Variants in DCP2 observed in about 807,000 individuals in gnomAD.
DCP2 encodes m7GpppN-mRNA hydrolase.
In DCP2, 30 loss-of-function variants were observed where a neutral mutation model predicts 56.1. The ratio of observed to expected loss-of-function variants is 0.53; its 90% CI spans 0.40 to 0.73. The LOEUF is 0.73. Ranked by LOEUF, DCP2 falls within the 30% of genes least tolerant of loss-of-function variation. DCP2 has a pLI of 0.00. For synonymous variants in DCP2, 197 were observed against 163.3 expected (o/e 1.21, Z -1.57); for missense variants, 533 against 502.7 (o/e 1.06, Z -0.58).
At chr5:113,005,249 AG>A (rs2150187267) in intron 8 of DCP2, among the ~76,000 whole-genome samples, 1 of 152,268 alleles carries the variant, frequency 6.6e-6, no homozygotes, top group Non-Finnish European at 1.5e-5. Context: ...ACAAAATAGA[AG>A]ATATTTGCAA....
At position 113,001,709 on chromosome 5, in the gene DCP2, A is replaced by C. The variant is rs766068517; in HGVS notation, c.806+35A>C. 3 of 1,576,926 alleles carry C rather than the reference A, an allele frequency of 1.9e-6. No individual in the cohort carries two copies. In the South Asian group the frequency reaches 3.3e-5, roughly 18 times the overall value. ...TACATTCATGGAATCCTGATTTTCT[A>C]ATAGTTTTTAAAAGTGGAATAATAG... is the stretch of plus-strand genomic sequence containing the variant. On this transcript the variant is annotated intron_variant, in intron 7 of 10. Transcript: ENST00000389063.
At chr5:113,002,552 C>G (rs1031073292) in intron 7 of DCP2, among the ~76,000 whole-genome samples, 3 of 152,152 alleles carry the variant, frequency 2.0e-5, no homozygotes, top group Admixed American at 1.3e-4. Flanking sequence ...GGCAGGGTCT[C>G]TCTCTGTTGC....
At chr5:112,978,598 T>A (rs1048513989) in intron 1 of DCP2, among the ~76,000 whole-genome samples, 2 of 152,138 alleles carry the variant, frequency 1.3e-5, no homozygotes, top group Non-Finnish European at 2.9e-5. Flanking sequence ...GCGCTGTACT[T>A]CTTTGGTGAT....
intron 2 of DCP2, among the ~76,000 whole-genome samples, chr5:112,987,628 T>G (rs534404124): frequency 2.6e-4 from 36 of 140,404 alleles, no homozygotes; most frequent in Non-Finnish European, 4.0e-4. Context: ...GCCTTTTTTT[T>G]TTTTTTTTTT....
Position 113,013,048 on chromosome 5 carries a change from A to C in DCP2, c.1100-273A>C, listed in dbSNP as rs1301982149. On this transcript the variant is annotated intron_variant, in intron 10 of 10. Transcript: ENST00000389063. ...TAGGTAAAGCACATACAGGAGGTAA[A>C]GTTACGCTCATTTTGAAAGCAAAGG... 2.0e-5 allele frequency among the ~76,000 whole-genome samples: 3 copies of C among 152,322 alleles called. No homozygotes were observed. The South Asian group carries it at 6.2e-4, about 32-fold the overall frequency.
chr5:112,995,032 ATAGT>A (rs1438477103), intron 4 of DCP2, among the ~76,000 whole-genome samples: 3 of 152,202 alleles, frequency 2.0e-5, no homozygotes, highest in South Asian at 2.1e-4. Flanking sequence ...ATGAGGGATA[ATAGT>A]TAAAATTTTT....
At chr5:112,980,893 A>G (rs1447990955) in intron 1 of DCP2, among the ~76,000 whole-genome samples, 1 of 151,756 alleles carries the variant, frequency 6.6e-6, no homozygotes, top group Non-Finnish European at 1.5e-5. Context: ...TCTATATTGA[A>G]TTGAGGATTT....
In DCP2 at chr5:113,006,006, G is replaced by C. The variant is rs575501989; in HGVS notation, c.942+1929G>C. Among the ~76,000 whole-genome samples, 23 of 151,114 alleles carry C rather than the reference G, an allele frequency of 1.5e-4. No homozygotes were observed. In the South Asian group the frequency reaches 4.8e-3, roughly 32 times the overall value. On this transcript the variant is annotated intron_variant, in intron 8 of 10. Coordinates refer to ENST00000389063, the MANE Select transcript of DCP2 (RefSeq NM_152624.6). The stretch of plus-strand genomic sequence containing the variant: ...CCAGGCATGGTGGTGCACACCTGTA[G>C]TTCCAGCTGCTCAGGAGGCTGAGGT...
At chr5:112,984,876 T>A (rs1187983040) in intron 1 of DCP2, among the ~76,000 whole-genome samples, 1 of 151,338 alleles carries the variant, frequency 6.6e-6, no homozygotes, top group African/African-American at 2.4e-5. Flanking sequence ...GGCTAATTTT[T>A]AAATTCCTTT....
chr5:112,992,362 T>C (rs745515854), intron 3 of DCP2, 114 bp downstream of exon 3: 49 of 1,365,096 alleles, frequency 3.6e-5, no homozygotes, highest in Non-Finnish European at 4.5e-5. Context: ...CTTAGATTTT[T>C]AGTGCTAAAA....
chr5:112,987,677 C>T (rs1748363780), intron 2 of DCP2, among the ~76,000 whole-genome samples: 1 of 125,016 alleles, frequency 8.0e-6, no homozygotes, highest in African/African-American at 3.1e-5. Context: ...TTTTGCCATG[C>T]TGGCCAGGCT....
chr5:113,021,981 C>A lies in DCP2; in HGVS notation c.*8497C>A, dbSNP rs187614621. On this transcript the variant is annotated 3_prime_UTR_variant, in exon 11 of 11. Coordinates refer to ENST00000389063, the MANE Select transcript of DCP2 (RefSeq NM_152624.6). ...ATCTAATAATAGTCTTACTTCTAGA[C>A]CCCTGCTTTGACTAGGGCTCTTGAT... is the stretch of plus-strand genomic sequence containing the variant. 2.6e-5 allele frequency: 4 copies of A among 152,120 alleles called. No homozygotes were observed. The highest frequency in any genetic ancestry group is 2.6e-4 in the Admixed American group (4 of 15,272). 9.4% of individuals were successfully genotyped at this position (152,120 alleles called of 1,614,324 possible). A position where few individuals can be genotyped will look rare whatever the true frequency, so the allele number is the denominator to read the frequency against.
At chr5:112,979,357 A>C (rs1298192500) in intron 1 of DCP2, among the ~76,000 whole-genome samples, 1 of 152,194 alleles carries the variant, frequency 6.6e-6, no homozygotes, top group South Asian at 2.1e-4. Context: ...AAATATTTTT[A>C]ATGTTACAGA....
At position 113,010,924 on chromosome 5, in the gene DCP2, A is replaced by G. The variant is rs571874479; in HGVS notation, c.1099+117A>G. The G allele has an allele frequency of 2.0e-5, 22 of 1,086,328 alleles. No homozygotes were observed. In the African/African-American group the frequency reaches 3.2e-4, roughly 16 times the overall value. 67.3% of individuals were successfully genotyped at this position (1,086,328 alleles called of 1,614,324 possible). On this transcript the variant is annotated intron_variant, in intron 10 of 10. Coordinates refer to ENST00000389063, the MANE Select transcript of DCP2 (RefSeq NM_152624.6). ...GATAGTTAAGCAGGAAGAGTTGCAT[A>G]TGTTCTGTAGAAAGAGTTCATGTAT... is the stretch of plus-strand genomic sequence containing the variant.
chr5:112,981,257 G>T lies in DCP2; in HGVS notation c.53+4271G>T, dbSNP rs903503828. 6.6e-5 allele frequency among the ~76,000 whole-genome samples: 10 copies of T among 151,932 alleles called. No homozygotes were observed. The South Asian group carries it at 2.1e-3, about 32-fold the overall frequency. On this transcript the variant is annotated intron_variant, in intron 1 of 10. Transcript: ENST00000389063. ...ACTTGTAGCCTCAAGCAATCCTCCTGCCTCAACCTCCCAAAGTGTTGAGAT... is the reference window on the plus strand; with the variant it reads ...ACTTGTAGCCTCAAGCAATCCTCCTTCCTCAACCTCCCAAAGTGTTGAGAT...
At position 113,008,130 on chromosome 5, in the gene DCP2, G is replaced by C. The variant is rs551376624; in HGVS notation, c.1047+88G>C. On this transcript the variant is annotated intron_variant, in intron 9 of 10. Coordinates refer to ENST00000389063, the MANE Select transcript of DCP2 (RefSeq NM_152624.6). ...TTGCCAAAGCACAGGAATGTTACTT[G>C]TTTTGTTCTTATTTTAATTGATATA... is the stretch of plus-strand genomic sequence containing the variant. 4 of 1,117,940 alleles carry C rather than the reference G, an allele frequency of 3.6e-6. No homozygotes were observed. In the African/African-American group the frequency reaches 6.2e-5, roughly 17 times the overall value. The allele number at this position is 1,117,940 out of a possible 1,614,324, so 69.3% of individuals were successfully genotyped here. A position where few individuals can be genotyped will look rare whatever the true frequency, so the allele number is the denominator to read the frequency against.
intron 4 of DCP2, among the ~76,000 whole-genome samples, chr5:112,993,522 A>C (rs1195390325): frequency 2.0e-5 from 3 of 150,412 alleles, no homozygotes; most frequent in Non-Finnish European, 4.4e-5. Context: ...GCTACTTGAG[A>C]GGCTGAGGCA....
Position 113,021,480 on chromosome 5 carries a change from G to GC in DCP2, c.*7997dup, listed in dbSNP as rs1750130603. 6.6e-6 allele frequency among the ~76,000 whole-genome samples: 1 copy of GC among 151,224 alleles called. No individual in the cohort carries two copies. The highest frequency in any genetic ancestry group is 1.5e-5 in the Non-Finnish European group (1 of 67,906). ...AAACAATTAAGTTTGTTGCTTTAAAGCAAGATTATAGTGTAGGGCTTGAGA... is the reference window on the plus strand; with the variant it reads ...AAACAATTAAGTTTGTTGCTTTAAAGCCAAGATTATAGTGTAGGGCTTGAGA... On this transcript the variant is annotated 3_prime_UTR_variant, in exon 11 of 11. Transcript: ENST00000389063.
chr5:112,998,282 C>A (rs1329074034), intron 4 of DCP2, among the ~76,000 whole-genome samples: 2 of 152,182 alleles, frequency 1.3e-5, no homozygotes, highest in African/African-American at 4.8e-5. Flanking sequence ...CCATTCCTGG[C>A]TATCTAAACA....
Sources: allele counts gnomAD v4.1 joint callset (sites outside exome capture counted in the v4.1 genomes callset), GRCh38; gene constraint gnomAD v4.1.1; transcripts MANE v1.5; gene names NCBI Gene and HGNC (gene_info 2026-07-23, HGNC 2026-07-21).